Variants in TPR observed in about 807,000 individuals in gnomAD.
TPR encodes the protein translocated promoter region, nuclear basket protein.
A neutral mutation model predicts 316.1 loss-of-function variants in TPR; 51 were observed. The ratio of observed to expected loss-of-function variants is 0.16; its 90% CI spans 0.13 to 0.20. TPR has a LOEUF of 0.20. TPR is among the 10% of genes least tolerant of loss of function. The pLI is 1.00. For missense variants in TPR, 2,272 were observed against 2,754.8 expected (o/e 0.82, Z 3.92); for synonymous variants, 981 against 914.7 (o/e 1.07, Z -1.31).
chr1:186,374,952 T>C lies in TPR; in HGVS notation c.77A>G (p.Glu26Gly). The change falls in exon 1 of 51, where the codon GAA (glutamate) becomes GGA (glycine). Residue 26 changes from glutamate to glycine, a missense_variant. This residue lies in a region of TPR where 549 missense variants were observed against 598.6 expected (regional missense o/e 0.92). Transcript: ENST00000367478. ...GGATTGCTGATCAGCAAGGAACTTTTCAAGTTTGTTCTGGACAGACTTGGG... is the reference window on the plus strand; with the variant it reads ...GGATTGCTGATCAGCAAGGAACTTTCCAAGTTTGTTCTGGACAGACTTGGG... Reference protein sequence around the residue: ...KLPKSVQNKLEKFLADQQSEI... With the variant: ...KLPKSVQNKLGKFLADQQSEI... 6.2e-7 allele frequency: 1 copy of C among 1,612,390 alleles called. No individual in the cohort carries two copies.
chr1:186,369,327 CT>C (rs960463855), intron 3 of TPR, among the ~76,000 whole-genome samples: 2 of 151,924 alleles, frequency 1.3e-5, no homozygotes, highest in African/African-American at 4.8e-5. Flanking sequence ...TGGCCTGAAT[CT>C]TTTTACCACT....
Position 186,343,829 on chromosome 1 carries a change from T to C in TPR, c.3602+77A>G, listed in dbSNP as rs905707458. The C allele has an allele frequency of 4.0e-6, 5 of 1,248,828 alleles. No individual in the cohort carries two copies. In the African/African-American group the frequency reaches 7.7e-5, roughly 19 times the overall value. 77.4% of individuals were successfully genotyped at this position (1,248,828 alleles called of 1,614,324 possible). A position where few individuals can be genotyped will look rare whatever the true frequency, so the allele number is the denominator to read the frequency against. ...TATATCAAAATCGTGTATAATCTCC[T>C]TCTCTAATTTATATATTTGTAGTTT... On this transcript the variant is annotated intron_variant, in intron 26 of 50. Coordinates refer to ENST00000367478, the MANE Select transcript of TPR (RefSeq NM_003292.3).
intron 43 of TPR, 85 bp downstream of exon 43, chr1:186,323,601 G>C: frequency 7.9e-7 from 1 of 1,259,908 alleles, no homozygotes; most frequent in Non-Finnish European, 1.0e-6. Flanking sequence ...AAAACCAAGA[G>C]AGAGAGAGAA....
Position 186,355,853 on chromosome 1 carries a change from T to G in TPR, c.1889-85A>C, listed in dbSNP as rs1239675191. 2.7e-6 allele frequency: 4 copies of G among 1,467,114 alleles called. No individual in the cohort carries two copies. The African/African-American group carries it at 5.7e-5, about 21-fold the overall frequency. 90.9% of individuals were successfully genotyped at this position (1,467,114 alleles called of 1,614,324 possible). Reference sequence around the variant, plus strand: ...TAATGCTTCTTTGCAAATACACTATTATCAAATAAACAAGCTAAACTTATT... The same window carrying G: ...TAATGCTTCTTTGCAAATACACTATGATCAAATAAACAAGCTAAACTTATT... On this transcript the variant is annotated intron_variant, in intron 15 of 50. Coordinates refer to ENST00000367478, the MANE Select transcript of TPR (RefSeq NM_003292.3).
At chr1:186,368,538 A>T (rs939294668) in intron 3 of TPR, among the ~76,000 whole-genome samples, 1 of 152,176 alleles carries the variant, frequency 6.6e-6, no homozygotes. Context: ...TGAGCCCGGG[A>T]GGCAGAGGTT....
At chr1:186,327,347 CTATT>C in intron 40 of TPR, 109 bp downstream of exon 40, 1 of 344,768 alleles carries the variant, frequency 2.9e-6, no homozygotes, top group Non-Finnish European at 4.9e-6. Context: ...TAAATATAAT[CTATT>C]TAAGCTGACT....
intron 45 of TPR, among the ~76,000 whole-genome samples, chr1:186,320,834 G>A (rs1424158123): frequency 1.3e-5 from 2 of 152,136 alleles, no homozygotes; most frequent in Non-Finnish European, 2.9e-5. Flanking sequence ...CACCTGTCTA[G>A]CTTATTAAGA....
intron 49 of TPR, among the ~76,000 whole-genome samples, chr1:186,316,573 G>A (rs188910192): frequency 1.4e-4 from 21 of 152,286 alleles, no homozygotes; most frequent in South Asian, 4.1e-4. Context: ...ACCAAGTACT[G>A]TATATCCTTA....
At chr1:186,374,374 G>GT (rs1659629722) in intron 1 of TPR, among the ~76,000 whole-genome samples, 2 of 152,174 alleles carry the variant, frequency 1.3e-5, no homozygotes, top group Non-Finnish European at 1.5e-5. Context: ...CACATTCACT[G>GT]TGTTTCCAGC....
chr1:186,319,639 A>G (rs1301935114), intron 46 of TPR, among the ~76,000 whole-genome samples: 1 of 152,192 alleles, frequency 6.6e-6, no homozygotes, highest in Non-Finnish European at 1.5e-5. Flanking sequence ...GTTACATTAC[A>G]TGACTTTTAT....
At chr1:186,363,056 A>G in intron 5 of TPR, 55 bp from the exon 6 acceptor site, 1 of 1,532,664 alleles carries the variant, frequency 6.5e-7, no homozygotes, top group Non-Finnish European at 8.7e-7. Flanking sequence ...ATGATTATTC[A>G]AAAGATTTTG....
intron 4 of TPR, among the ~76,000 whole-genome samples, chr1:186,367,598 A>C (rs1201393366): frequency 6.6e-6 from 1 of 152,246 alleles, no homozygotes; most frequent in Non-Finnish European, 1.5e-5. Flanking sequence ...AAGTGCTTCC[A>C]ATTTGACATT....
intron 43 of TPR, 60 bp from the exon 44 acceptor site, chr1:186,322,646 C>T: frequency 6.5e-7 from 1 of 1,529,858 alleles, no homozygotes; most frequent in Non-Finnish European, 9.1e-7. Context: ...GAAACAAACA[C>T]CAAATATCAA....
chr1:186,375,141 G>C lies in TPR; in HGVS notation c.-113C>G. On this transcript the variant is annotated 5_prime_UTR_variant, in exon 1 of 51. Coordinates refer to ENST00000367478, the MANE Select transcript of TPR (RefSeq NM_003292.3). The stretch of plus-strand genomic sequence containing the variant: ...GGCCGCCGCCTCTATCACCTCGCTC[G>C]GTGGCTCGCGCGCGCCCGCCCGCCG... The C allele has an allele frequency of 6.4e-7, 1 of 1,550,950 alleles. No individual in the cohort carries two copies. Among genetic ancestry groups the C allele is most frequent in the African/African-American group, 1.4e-5 (1 of 72,988 alleles).
chr1:186,353,371 C>T (rs1438791525), intron 18 of TPR, among the ~76,000 whole-genome samples: 1 of 114,112 alleles, frequency 8.8e-6, no homozygotes, highest in African/African-American at 3.4e-5. Context: ...GACTCTGTCT[C>T]AAGAAAAAAA....
chr1:186,337,223 G>C, intron 31 of TPR, 67 bp from the exon 32 acceptor site: 1 of 1,504,564 alleles, frequency 6.6e-7, no homozygotes, highest in Non-Finnish European at 8.9e-7. Context: ...CTGCAAGTTT[G>C]TCTAAGAAAA....
At chr1:186,319,343 AC>A (rs1557983913) in intron 46 of TPR, among the ~76,000 whole-genome samples, 1 of 152,142 alleles carries the variant, frequency 6.6e-6, no homozygotes, top group Non-Finnish European at 1.5e-5. Flanking sequence ...ATGCTACAGT[AC>A]CCTTAAAACA....
At chr1:186,352,583 T>C (rs1224238441) in intron 18 of TPR, among the ~76,000 whole-genome samples, 4 of 152,178 alleles carry the variant, frequency 2.6e-5, no homozygotes, top group Non-Finnish European at 5.9e-5. Flanking sequence ...GGAGAGTGTT[T>C]TGAAAGCTCA....
At position 186,337,239 on chromosome 1, in the gene TPR, A is replaced by G. The variant is rs1168262329; in HGVS notation, c.4363-83T>C. On this transcript the variant is annotated intron_variant, in intron 31 of 50. Coordinates refer to ENST00000367478, the MANE Select transcript of TPR (RefSeq NM_003292.3). ...TGCAAGTTTGTCTAAGAAAATAATC[A>G]CAGCTTTGCAAAGAAATTTTATCCC... The G allele has an allele frequency of 8.9e-6, 13 of 1,459,234 alleles. No individual in the cohort carries two copies. In the African/African-American group the frequency reaches 1.6e-4, roughly 18 times the overall value. 90.4% of individuals were successfully genotyped at this position (1,459,234 alleles called of 1,614,324 possible). A position where few individuals can be genotyped will look rare whatever the true frequency, so the allele number is the denominator to read the frequency against.
Sources: allele counts gnomAD v4.1 joint callset (sites outside exome capture counted in the v4.1 genomes callset), GRCh38; gene constraint gnomAD v4.1.1; regional missense constraint gnomAD v4.1.1; transcripts MANE v1.5; gene names NCBI Gene and HGNC (gene_info 2026-07-23, HGNC 2026-07-21).